Variants in KLHL1 observed in about 807,000 individuals in gnomAD.
KLHL1 encodes kelch like family member 1.
A neutral mutation model predicts 77.7 loss-of-function variants in KLHL1; 47 were observed. That is an observed-to-expected ratio of 0.60 (90% CI 0.48 to 0.77). The LOEUF (loss-of-function observed/expected upper bound fraction) is 0.77. Among genes scored for constraint, KLHL1 ranks in the 30% least tolerant of loss-of-function variants. KLHL1 has a pLI of 0.00. For missense variants in KLHL1, 925 were observed against 910.8 expected, an observed-to-expected ratio of 1.02 and a Z score of -0.20; for synonymous variants, 360 against 325.2, an observed-to-expected ratio of 1.11 and a Z score of -1.15.
intron 4 of KLHL1, chr13:69,894,985 C>A (rs1220005110): frequency 4.0e-6 from 2 of 497,598 alleles, no homozygotes; most frequent in Non-Finnish European, 8.0e-6. Context: ...GTGTTCTGAG[C>A]TCACAAATGT....
intron 1 of KLHL1, among the ~76,000 whole-genome samples, chr13:69,989,616 T>C (rs930512123): frequency 1.1e-4 from 17 of 152,032 alleles, no homozygotes; most frequent in African/African-American, 3.6e-4. Flanking sequence ...TCCATTTGTT[T>C]ATGTAATTTA....
chr13:69,898,956 T>A (rs978060419), intron 4 of KLHL1, among the ~76,000 whole-genome samples: 2 of 152,116 alleles, frequency 1.3e-5, no homozygotes, highest in African/African-American at 4.8e-5. Flanking sequence ...TAAGGATTAT[T>A]ACTCAAGCTA....
intron 7 of KLHL1, among the ~76,000 whole-genome samples, chr13:69,782,789 T>C (rs565761451): frequency 4.6e-5 from 7 of 152,328 alleles, no homozygotes; most frequent in Admixed American, 3.9e-4. Flanking sequence ...TAAATGTCCC[T>C]GTCTGACAGC....
chr13:69,815,943 T>A (rs1878101948), intron 6 of KLHL1, among the ~76,000 whole-genome samples: 1 of 151,866 alleles, frequency 6.6e-6, no homozygotes, highest in South Asian at 2.1e-4. Context: ...ACTATACCTT[T>A]TAAGAAATAT....
rs116189717 is a variant in KLHL1 at position 70,077,453 on chromosome 13, T to C, written c.497+29750A>G. The stretch of plus-strand genomic sequence containing the variant: ...AAAAATTAGTCGTTGAAGAGTTTGG[T>C]GGGAATAATGAATATGTGGGGCACA... On this transcript the variant is annotated intron_variant, in intron 1 of 10. Transcript: ENST00000377844. Among the ~76,000 whole-genome samples the C allele has an allele frequency of 2.8e-3, 424 of 151,618 alleles. 10 individuals carry two copies. Among genetic ancestry groups the C allele is most frequent in the African/African-American group, 9.8e-3 (402 of 41,178 alleles).
chr13:69,780,708 A>G (rs866726762), intron 7 of KLHL1, among the ~76,000 whole-genome samples: 9,913 of 50,726 alleles, frequency 0.2, 955 homozygotes, highest in East Asian at 0.45. Context: ...ATATGTATAT[A>G]TATATATGTA....
chr13:69,793,816 G>A (rs60137040), intron 7 of KLHL1, among the ~76,000 whole-genome samples: 54,904 of 151,880 alleles, frequency 0.36, 10,338 homozygotes, highest in African/African-American at 0.46. Context: ...TTGAGAGCCT[G>A]ACATCATTTG....
intron 1 of KLHL1, among the ~76,000 whole-genome samples, chr13:69,988,589 G>A (rs890225630): frequency 1.3e-5 from 2 of 152,066 alleles, no homozygotes; most frequent in Non-Finnish European, 2.9e-5. Flanking sequence ...TAGAGTGTAA[G>A]CATTCCCTTT....
chr13:69,879,811 C>A (rs544158945), intron 5 of KLHL1, among the ~76,000 whole-genome samples: 98 of 152,038 alleles, frequency 6.4e-4, no homozygotes, highest in African/African-American at 2.1e-3. Flanking sequence ...AAAATCTGGT[C>A]TTTAAAACTA....
chr13:69,767,799 A>G (rs1468137810), intron 7 of KLHL1, among the ~76,000 whole-genome samples: 3 of 152,242 alleles, frequency 2.0e-5, no homozygotes, highest in East Asian at 1.9e-4. Context: ...ATGATCTTCA[A>G]TGATTCTTGA....
intron 1 of KLHL1, among the ~76,000 whole-genome samples, chr13:70,097,211 C>T (rs1239313439): frequency 2.0e-5 from 3 of 151,902 alleles, no homozygotes; most frequent in African/African-American, 7.2e-5. Context: ...AGAGTTTGTA[C>T]TTAACAAGAA....
At position 70,078,966 on chromosome 13, in the gene KLHL1, C is replaced by T. The variant is rs375555693; in HGVS notation, c.497+28237G>A. On this transcript the variant is annotated intron_variant, in intron 1 of 10. Transcript: ENST00000377844. Reference sequence around the variant, plus strand: ...GGTTTTCTCATTAGCATCAAACTCTCACCTCTTCCATTTGATTAGCTGGGC... The same window carrying T: ...GGTTTTCTCATTAGCATCAAACTCTTACCTCTTCCATTTGATTAGCTGGGC... Among the ~76,000 whole-genome samples the T allele has an allele frequency of 9.0e-4, 137 of 152,276 alleles. 2 individuals are homozygous for T. In the South Asian group the frequency reaches 0.028, roughly 32 times the overall value.
intron 8 of KLHL1, among the ~76,000 whole-genome samples, chr13:69,721,861 T>C (rs1162447372): frequency 1.3e-5 from 2 of 152,032 alleles, no homozygotes; most frequent in East Asian, 1.9e-4. Context: ...AATTAACCAA[T>C]AGGAACATTT....
intron 4 of KLHL1, among the ~76,000 whole-genome samples, chr13:69,907,614 G>T (rs1882086502): frequency 6.6e-6 from 1 of 151,908 alleles, no homozygotes; most frequent in Admixed American, 6.6e-5. Context: ...AATACAAACT[G>T]TATTCTGTGG....
chr13:70,014,824 A>G (rs1051714032), intron 1 of KLHL1, among the ~76,000 whole-genome samples: 15 of 152,140 alleles, frequency 9.9e-5, no homozygotes, highest in African/African-American at 3.1e-4. Flanking sequence ...TTTGTGGGAA[A>G]AACATTCTAG....
intron 1 of KLHL1, among the ~76,000 whole-genome samples, chr13:70,033,168 T>C (rs1886148437): frequency 6.6e-6 from 1 of 152,314 alleles, no homozygotes; most frequent in South Asian, 2.1e-4. Flanking sequence ...TATTGACCTA[T>C]GTTGAAAGAA....
rs1175039724 is a variant in KLHL1, at chr13:69,707,635, T to C, written c.2177A>G (p.Glu726Gly). ...TGATGACAATCTTACCTGTGTCCAC[T>C]CATTAGTTTGTGGGTCATAGGATTC... Reference protein sequence around the residue: ...TMESYDPQTNEWTQMASLNIG... With the variant: ...TMESYDPQTNGWTQMASLNIG... The change falls in exon 10 of 11, where the codon GAG becomes GGG. Residue 726 changes from glutamate (E) to glycine (G), a missense_variant. Coordinates refer to ENST00000377844, the MANE Select transcript of KLHL1 (RefSeq NM_020866.3). 6.2e-7 allele frequency: 1 copy of C among 1,611,328 alleles called. No individual in the cohort carries two copies. The highest frequency in any genetic ancestry group is 1.1e-5 in the South Asian group (1 of 90,822).
At chr13:69,922,538 T>A in intron 4 of KLHL1, among the ~76,000 whole-genome samples, 1 of 152,286 alleles carries the variant, frequency 6.6e-6, no homozygotes, top group East Asian at 1.9e-4. Flanking sequence ...ATAGATTTAA[T>A]TAGATTTGGA....
chr13:70,106,496 A>G (rs750517065), intron 1 of KLHL1, among the ~76,000 whole-genome samples: 24 of 152,204 alleles, frequency 1.6e-4, no homozygotes, highest in Non-Finnish European at 2.9e-5. Context: ...ATAAACTAGA[A>G]ATAAATATTG....
Sources: gnomAD v4.1 joint callset for allele counts (sites outside exome capture counted in the v4.1 genomes callset) on GRCh38, gnomAD v4.1.1 for gene constraint, MANE v1.5 for transcripts, NCBI Gene and HGNC (gene_info 2026-07-23, HGNC 2026-07-21) for gene names.